NDUFA6: variants seen among roughly 807,000 people sequenced by gnomAD.
The protein encoded by NDUFA6 is NADH dehydrogenase [ubiquinone] 1 alpha subcomplex subunit 6.
Under a neutral mutation model 12.5 loss-of-function variants are expected in NDUFA6, and 10 were observed. The observed-to-expected ratio is 0.80, with a 90% CI of 0.49 to 1.35. NDUFA6 has a LOEUF of 1.35. Ranked by LOEUF, NDUFA6 falls within the 40% of genes most tolerant of loss-of-function variation. The pLI is 0.00. For synonymous variants in NDUFA6, 66 were observed against 63.0 expected (o/e 1.05, Z -0.23); for missense variants, 177 against 173.5 (o/e 1.02, Z -0.11).
At position 42,085,957 on chromosome 22, in the gene NDUFA6, A is replaced by G. The variant is rs1372759338; in HGVS notation, c.*226T>C. Reference sequence around the variant, plus strand: ...GCCTCCTTCCTTCCTGTTTACTGACATGCAAGGCTCTGAGAAAAATAATTC... The same window carrying G: ...GCCTCCTTCCTTCCTGTTTACTGACGTGCAAGGCTCTGAGAAAAATAATTC... On this transcript the variant is annotated 3_prime_UTR_variant, in exon 3 of 3. Coordinates refer to ENST00000498737, the MANE Select transcript of NDUFA6 (RefSeq NM_002490.6). 1 of 626,602 alleles carries G rather than the reference A, an allele frequency of 1.6e-6. No homozygotes were observed. Among genetic ancestry groups the G allele is most frequent in the Non-Finnish European group, 2.8e-6 (1 of 357,788 alleles). 38.8% of individuals were successfully genotyped at this position (626,602 alleles called of 1,614,324 possible).
chr22:42,090,752 A>T lies in NDUFA6; in HGVS notation c.-8T>A. 6.2e-7 allele frequency: 1 copy of T among 1,614,130 alleles called. No individual in the cohort carries two copies. The highest frequency in any genetic ancestry group is 8.5e-7 in the Non-Finnish European group (1 of 1,180,034). On this transcript the variant is annotated 5_prime_UTR_variant, in exon 1 of 3. It adds an upstream start codon to the 5' untranslated region. Coordinates refer to ENST00000498737, the MANE Select transcript of NDUFA6 (RefSeq NM_002490.6). ...GACGCCGCTCCCCGCCATCTTGCCAAAGCATCCACTCCACAACCCCACCCC... is the reference window on the plus strand; with the variant it reads ...GACGCCGCTCCCCGCCATCTTGCCATAGCATCCACTCCACAACCCCACCCC...
intron 1 of NDUFA6, among the ~76,000 whole-genome samples, chr22:42,088,616 G>C (rs978721738): frequency 2.0e-5 from 3 of 151,418 alleles, no homozygotes; most frequent in African/African-American, 4.9e-5. Flanking sequence ...CTACTCGGGA[G>C]GCTGAGGCAT....
chr22:42,088,933 A>G (rs1406446333), intron 1 of NDUFA6, among the ~76,000 whole-genome samples: 1 of 152,128 alleles, frequency 6.6e-6, no homozygotes. Flanking sequence ...CTGGCCAGCT[A>G]CAGATCACTG....
At chr22:42,089,345 C>A (rs1173150761) in intron 1 of NDUFA6, among the ~76,000 whole-genome samples, 1 of 151,862 alleles carries the variant, frequency 6.6e-6, no homozygotes. Flanking sequence ...CACACACACA[C>A]ACACACACAC....
intron 1 of NDUFA6, among the ~76,000 whole-genome samples, chr22:42,087,675 G>T (rs1190470251): frequency 6.6e-6 from 1 of 151,972 alleles, no homozygotes; most frequent in Non-Finnish European, 1.5e-5. Flanking sequence ...GGTGGTGGGT[G>T]CCTGTAATTC....
At chr22:42,087,244 CAT>C in intron 1 of NDUFA6, 69 bp from the exon 2 acceptor site, 1 of 1,139,670 alleles carries the variant, frequency 8.8e-7, no homozygotes, top group East Asian at 2.3e-5. Flanking sequence ...AAATGATACT[CAT>C]TGAACACATA....
chr22:42,088,656 G>A (rs1055413828), intron 1 of NDUFA6, among the ~76,000 whole-genome samples: 3 of 149,732 alleles, frequency 2.0e-5, no homozygotes, highest in African/African-American at 7.5e-5. Flanking sequence ...GGGAGGTGGA[G>A]GTTGCAGTGA....
Position 42,086,122 on chromosome 22 carries a change from G to T in NDUFA6, c.*61C>A. ...GGAATTCTATCACAAAGTGACCATTGTATAGTGAGTTTATTTGTGCTCTAA... is the reference window on the plus strand; with the variant it reads ...GGAATTCTATCACAAAGTGACCATTTTATAGTGAGTTTATTTGTGCTCTAA... On this transcript the variant is annotated 3_prime_UTR_variant, in exon 3 of 3. Coordinates refer to ENST00000498737, the MANE Select transcript of NDUFA6 (RefSeq NM_002490.6). The T allele has an allele frequency of 6.2e-7, 1 of 1,611,616 alleles. No individual in the cohort carries two copies. The highest frequency in any genetic ancestry group is 8.5e-7 in the Non-Finnish European group (1 of 1,177,918).
At chr22:42,090,578 G>A (rs966726516) in intron 1 of NDUFA6, 28 bp downstream of exon 1, 4 of 1,611,836 alleles carry the variant, frequency 2.5e-6, no homozygotes, top group Non-Finnish European at 3.4e-6. Context: ...GCGGCCTCCG[G>A]GTCCCCACGT....
At chr22:42,086,354 A>G in intron 2 of NDUFA6, 40 bp from the exon 3 acceptor site, 1 of 1,613,616 alleles carries the variant, frequency 6.2e-7, no homozygotes, top group Non-Finnish European at 8.5e-7. Flanking sequence ...AAAGTTGTCA[A>G]GTTGAAGGCA....
In NDUFA6 at chr22:42,086,323, T is replaced by G; in HGVS notation, c.256-9A>C. On this transcript the variant is annotated splice_polypyrimidine_tract_variant and intron_variant, in intron 2 of 2. Transcript: ENST00000498737. ...TCCAGTTCGATCTTTCCCTGAACAG[T>G]GAGGAGAGAGGTCATCAGTCAAAGT... is the stretch of plus-strand genomic sequence containing the variant. 6.2e-7 allele frequency: 1 copy of G among 1,614,174 alleles called. No homozygotes were observed. Among genetic ancestry groups the G allele is most frequent in the Non-Finnish European group, 8.5e-7 (1 of 1,180,016 alleles).
chr22:42,089,758 G>A (rs1000179293), intron 1 of NDUFA6: 1 of 152,136 alleles, frequency 6.6e-6, no homozygotes, highest in Non-Finnish European at 1.5e-5. Flanking sequence ...AAGAAACTGA[G>A]GAATAGATGA....
intron 1 of NDUFA6, among the ~76,000 whole-genome samples, chr22:42,088,190 G>C (rs1368383609): frequency 1.4e-5 from 2 of 141,608 alleles, no homozygotes; most frequent in Non-Finnish European, 3.1e-5. Flanking sequence ...GGTGGATCAT[G>C]AGGTCAGGAG....
At chr22:42,087,530 C>T (rs762801904) in intron 1 of NDUFA6, among the ~76,000 whole-genome samples, 1 of 152,268 alleles carries the variant, frequency 6.6e-6, no homozygotes, top group East Asian at 1.9e-4. Flanking sequence ...GGGCTGGGCG[C>T]GGTGGCTCAC....
At chr22:42,087,620 G>T (rs943230581) in intron 1 of NDUFA6, among the ~76,000 whole-genome samples, 2 of 151,400 alleles carry the variant, frequency 1.3e-5, no homozygotes, top group Admixed American at 1.3e-4. Flanking sequence ...GGCTAACACA[G>T]TGAAACCCCG....
chr22:42,088,405 C>T (rs1928406593), intron 1 of NDUFA6, among the ~76,000 whole-genome samples: 1 of 150,688 alleles, frequency 6.6e-6, no homozygotes, highest in Admixed American at 6.6e-5. Flanking sequence ...CAGAGCGAGA[C>T]TCCGTCTCAA....
chr22:42,090,583 C>A (rs1602523163), intron 1 of NDUFA6, 23 bp downstream of exon 1: 1 of 1,612,584 alleles, frequency 6.2e-7, no homozygotes. Flanking sequence ...CTCCGGGTCC[C>A]CACGTAAGCC....
chr22:42,090,738 C>T lies in NDUFA6; in HGVS notation c.7G>A (p.Gly3Arg), dbSNP rs201448094. The change falls in exon 1 of 3, where the codon GGG becomes AGG. Residue 3 changes from glycine (G) to arginine (R), a missense_variant. By Grantham distance (125) the Gly-to-Arg change is moderately radical. Around this residue, in one of 3 missense-constraint regions of NDUFA6, gnomAD observed 111 missense variants for 87.2 expected, o/e 1.27. Coordinates refer to ENST00000498737, the MANE Select transcript of NDUFA6 (RefSeq NM_002490.6). MA[G>R]SGVRQATSTA... is the part of the protein sequence containing the mutation. ...GAAGTAGCTTGGCGGACGCCGCTCCCCGCCATCTTGCCAAAGCATCCACTC... is the reference window on the plus strand; with the variant it reads ...GAAGTAGCTTGGCGGACGCCGCTCCTCGCCATCTTGCCAAAGCATCCACTC... 1.2e-6 allele frequency: 2 copies of T among 1,614,204 alleles called. No homozygotes were observed. The highest frequency in any genetic ancestry group is 1.3e-5 in the African/African-American group (1 of 75,080).
chr22:42,088,106 CAAAAAAAAAA>C lies in NDUFA6; in HGVS notation c.140-941_140-932del, dbSNP rs1182424559. On this transcript the variant is annotated intron_variant, in intron 1 of 2. Coordinates refer to ENST00000498737, the MANE Select transcript of NDUFA6 (RefSeq NM_002490.6). ...TGGGTGACAGAGTGAGACTGTGTCT[CAAAAAAAAAA>C]AAAAAAAAAGGCTGGGCGCGGTGGC... is the stretch of plus-strand genomic sequence containing the variant. Among the ~76,000 whole-genome samples the C allele has an allele frequency of 1.0e-4, 4 of 39,650 alleles. No homozygotes were observed. In the East Asian group the frequency reaches 2.4e-3, roughly 24 times the overall value. The allele number at this position is 39,650 out of a possible 152,430, so 26.0% of individuals were successfully genotyped here.
Sources: gnomAD v4.1 joint callset for allele counts (sites outside exome capture counted in the v4.1 genomes callset) on GRCh38, gnomAD v4.1.1 for gene constraint, gnomAD v4.1.1 regional missense constraint, MANE v1.5 for transcripts, NCBI Gene and HGNC (gene_info 2026-07-23, HGNC 2026-07-21) for gene names.